GRM4: variants seen among roughly 807,000 people sequenced by gnomAD.
GRM4 encodes the protein glutamate metabotropic receptor 4, also known as metabotropic glutamate receptor 4.
A neutral mutation model predicts 81.7 loss-of-function variants in GRM4; 28 were observed. The observed-to-expected ratio is 0.34, with a 90% CI of 0.25 to 0.47. The LOEUF (loss-of-function observed/expected upper bound fraction) is 0.47, where lower values mean the gene tolerates loss of function less well. Among genes scored for constraint, GRM4 ranks in the 20% least tolerant of loss-of-function variants. The pLI, the probability that GRM4 is intolerant of heterozygous loss-of-function variation, is 1.00. For missense variants in GRM4, 948 were observed against 1,290.0 expected (o/e 0.73, Z 4.06); for synonymous variants, 488 against 528.8 (o/e 0.92, Z 1.06).
rs572674847 is a variant in GRM4 at position 34,111,089 on chromosome 6, G to A, written c.520-18990C>T. On this transcript the variant is annotated intron_variant, in intron 2 of 10. Coordinates refer to ENST00000538487, the MANE Select transcript of GRM4 (RefSeq NM_000841.4). The surrounding 1 kb of genome is among the most constrained non-coding windows in gnomAD (Gnocchi z 5.1). ...TCAGCTGACAGCAGCAGGGGCCAGG[G>A]AGGAGGAGACACACACAGGCCACAT... The A allele has an allele frequency of 1.6e-5, 3 of 189,954 alleles. No individual in the cohort carries two copies. In the East Asian group the frequency reaches 4.7e-4, roughly 30 times the overall value. The allele number at this position is 189,954 out of a possible 1,614,324, so 11.8% of individuals were successfully genotyped here. A position where few individuals can be genotyped will look rare whatever the true frequency, so the allele number is the denominator to read the frequency against.
chr6:34,104,145 A>T (rs1768999182), intron 2 of GRM4, among the ~76,000 whole-genome samples: 1 of 152,242 alleles, frequency 6.6e-6, no homozygotes, highest in Non-Finnish European at 1.5e-5. Flanking sequence ...GTGGGCCAGG[A>T]CACAGGCAAT....
chr6:34,046,453 TG>T (rs1562023263), intron 6 of GRM4, among the ~76,000 whole-genome samples: 3 of 152,108 alleles, frequency 2.0e-5, no homozygotes, highest in African/African-American at 7.2e-5. Flanking sequence ...GTTTTATTGG[TG>T]GGTGATGCCC....
intron 3 of GRM4, among the ~76,000 whole-genome samples, chr6:34,084,705 C>A (rs1186422810): frequency 1.3e-5 from 2 of 152,244 alleles, no homozygotes; most frequent in African/African-American, 4.8e-5. Flanking sequence ...CTCCCCACCC[C>A]ACGGCCACAG....
chr6:34,151,017 C>T (rs189676741), upstream of GRM4, among the ~76,000 whole-genome samples: 304 of 152,292 alleles, frequency 2.0e-3, 1 homozygote, highest in East Asian at 0.016. Context: ...CCCTCCCACG[C>T]CCTGCCATGC....
chr6:34,153,511 C>G (rs1771088122), intron 1 of GRM4, among the ~76,000 whole-genome samples: 1 of 152,262 alleles, frequency 6.6e-6, no homozygotes, highest in Non-Finnish European at 1.5e-5. Context: ...TTGCCGAACA[C>G]TGCAGAGGTC....
intron 1 of GRM4, among the ~76,000 whole-genome samples, chr6:34,135,990 G>A (rs995705966): frequency 6.6e-6 from 1 of 152,190 alleles, no homozygotes; most frequent in Non-Finnish European, 1.5e-5. Flanking sequence ...TGCAGGCAGG[G>A]GGCAGAGATG....
At chr6:34,040,108 C>A in intron 8 of GRM4, 70 bp downstream of exon 8, 1 of 1,506,408 alleles carries the variant, frequency 6.6e-7, no homozygotes. Context: ...GCAGCCTCCC[C>A]TTGGGCCCCC....
intron 2 of GRM4, chr6:34,110,882 T>A: frequency 5.4e-6 from 7 of 1,298,570 alleles, no homozygotes; most frequent in Non-Finnish European, 6.8e-6. Flanking sequence ...TAGCAGGAAG[T>A]TCCCCCCAGG....
chr6:34,087,699 ACC>A (rs112740380), intron 3 of GRM4, among the ~76,000 whole-genome samples: 1 of 86,152 alleles, frequency 1.2e-5, no homozygotes. Flanking sequence ...CACACACACA[ACC>A]CCCCCCCCAC....
chr6:34,116,679 G>A (rs574979922), intron 2 of GRM4, among the ~76,000 whole-genome samples: 7 of 152,216 alleles, frequency 4.6e-5, no homozygotes, highest in East Asian at 1.9e-4. Flanking sequence ...TATGAGAAAC[G>A]AGCGTTTACA....
At position 34,042,535 on chromosome 6, in the gene GRM4, C is replaced by T. The variant is rs1765064406; in HGVS notation, c.1169-1787G>A. Reference sequence around the variant, plus strand: ...ACCACAGCCCTTGCATACAGCATGGCCTTCTTCCTCAAGGACAGGACGAGG... The same window carrying T: ...ACCACAGCCCTTGCATACAGCATGGTCTTCTTCCTCAAGGACAGGACGAGG... On this transcript the variant is annotated intron_variant, in intron 6 of 10. Coordinates refer to ENST00000538487, the MANE Select transcript of GRM4 (RefSeq NM_000841.4). The surrounding 1 kb of genome is among the most constrained non-coding windows in gnomAD (Gnocchi z 4.2). Among the ~76,000 whole-genome samples the T allele has an allele frequency of 6.6e-6, 1 of 152,156 alleles. No homozygotes were observed. Among genetic ancestry groups the T allele is most frequent in the African/African-American group, 2.4e-5 (1 of 41,432 alleles).
chr6:34,024,578 A>G (rs1307927356), intron 10 of GRM4: 2 of 442,670 alleles, frequency 4.5e-6, no homozygotes, highest in Non-Finnish European at 9.2e-6. Flanking sequence ...GGACGAAGCA[A>G]ACTGCTTGAG....
At chr6:34,148,019 T>C (rs1483355359), upstream of GRM4, among the ~76,000 whole-genome samples, 16 of 141,362 alleles carry the variant, frequency 1.1e-4, no homozygotes, top group Admixed American at 1.1e-3. Flanking sequence ...CCCCTCAGTG[T>C]TGCTTTCACT....
intron 6 of GRM4, among the ~76,000 whole-genome samples, chr6:34,053,069 T>C (rs1765690807): frequency 6.6e-6 from 1 of 152,156 alleles, no homozygotes; most frequent in Non-Finnish European, 1.5e-5. Flanking sequence ...AATCATTTTA[T>C]CAGCACCTAT....
chr6:34,038,889 G>A (rs1764848258), intron 8 of GRM4, among the ~76,000 whole-genome samples: 1 of 152,186 alleles, frequency 6.6e-6, no homozygotes. Flanking sequence ...TGGAAAATGG[G>A]GATAACTGCC....
rs1321364691 is a variant in GRM4 at position 34,114,731 on chromosome 6, C to G, written c.519+18247G>C. On this transcript the variant is annotated intron_variant, in intron 2 of 10. Transcript: ENST00000538487. This position sits in a 1 kb window ranked among gnomAD's most constrained non-coding sequence, Gnocchi z 4.3. Reference sequence around the variant, plus strand: ...ACGCCTTGTCAGAACTGCCCTCGCCCTCCTCTGAGCCCCTAGACCCTCACC... The same window carrying G: ...ACGCCTTGTCAGAACTGCCCTCGCCGTCCTCTGAGCCCCTAGACCCTCACC... Among the ~76,000 whole-genome samples the G allele has an allele frequency of 1.3e-5, 2 of 152,142 alleles. No homozygotes were observed. Among genetic ancestry groups the G allele is most frequent in the African/African-American group, 2.4e-5 (1 of 41,420 alleles).
Position 34,126,714 on chromosome 6 carries a change from G to A in GRM4, c.519+6264C>T, listed in dbSNP as rs558641946. 2.6e-5 allele frequency among the ~76,000 whole-genome samples: 4 copies of A among 152,336 alleles called. No homozygotes were observed. In the South Asian group the frequency reaches 8.3e-4, roughly 32 times the overall value. ...CCCAAGACTTCAGCTCCCAAGACCA[G>A]CCCAGCTGTTGCTGCAGACATGGGG... On this transcript the variant is annotated intron_variant, in intron 2 of 10. Transcript: ENST00000538487.
chr6:34,135,318 A>G (rs1029002077), intron 1 of GRM4, among the ~76,000 whole-genome samples: 4 of 152,252 alleles, frequency 2.6e-5, no homozygotes, highest in African/African-American at 9.6e-5. Flanking sequence ...CTAGACCCTC[A>G]TTTCACATTT....
rs1035020027 is a variant in GRM4, at chr6:34,111,401, C to T, written c.520-19302G>A. On this transcript the variant is annotated intron_variant, in intron 2 of 10. Coordinates refer to ENST00000538487, the MANE Select transcript of GRM4 (RefSeq NM_000841.4). This position sits in a 1 kb window ranked among gnomAD's most constrained non-coding sequence, Gnocchi z 5.1. ...ACAACCAACCGTGCACACACACACA[C>T]ACACACACACAAACACACACACATA... Among the ~76,000 whole-genome samples, 8 of 152,142 alleles carry T rather than the reference C, an allele frequency of 5.3e-5. No homozygotes were observed. Among genetic ancestry groups the T allele is most frequent in the African/African-American group, 1.2e-4 (5 of 41,418 alleles).
Sources: gnomAD v4.1 joint callset for allele counts (sites outside exome capture counted in the v4.1 genomes callset) on GRCh38, gnomAD v4.1.1 for gene constraint, Gnocchi (gnomAD v3.1) non-coding constraint, MANE v1.5 for transcripts, NCBI Gene and HGNC (gene_info 2026-07-23, HGNC 2026-07-21) for gene names.